Variants in CHD8 observed in about 807,000 individuals in gnomAD.
The protein encoded by CHD8 is ATP-dependent chromatin remodeler CHD8.
A neutral mutation model predicts 279.2 loss-of-function variants in CHD8; 31 were observed. That is an observed-to-expected ratio of 0.11 (90% CI 0.08 to 0.15). CHD8 has a LOEUF of 0.15. CHD8 is among the 10% of genes least tolerant of loss of function. CHD8 has a pLI of 1.00. For missense variants in CHD8, 2,146 were observed against 3,230.5 expected, an observed-to-expected ratio of 0.66 and a Z score of 8.14; for synonymous variants, 1,081 against 1,139.6, an observed-to-expected ratio of 0.95 and a Z score of 1.04.
intron 1 of CHD8, among the ~76,000 whole-genome samples, chr14:21,450,698 G>A (rs138402268): frequency 2.0e-5 from 3 of 151,620 alleles, no homozygotes; most frequent in East Asian, 1.9e-4. Flanking sequence ...AAAAAAAAGC[G>A]TAAGACCTTA....
At position 21,400,101 on chromosome 14, in the gene CHD8, T is replaced by C. The variant is rs775026819; in HGVS notation, c.4728-31A>G. ...AAGGACAGAGGAAGAGCTGGCTCAGTAACACTGTAGAAGTTTGAGGTGGAA... is the reference window on the plus strand; with the variant it reads ...AAGGACAGAGGAAGAGCTGGCTCAGCAACACTGTAGAAGTTTGAGGTGGAA... On this transcript the variant is annotated intron_variant, in intron 24 of 37. Coordinates refer to ENST00000646647, the MANE Select transcript of CHD8 (RefSeq NM_001170629.2). This position sits in a 1 kb window ranked among gnomAD's most constrained non-coding sequence, Gnocchi z 4.2. 3.7e-6 allele frequency: 6 copies of C among 1,613,326 alleles called. No individual in the cohort carries two copies. Among genetic ancestry groups the C allele is most frequent in the Non-Finnish European group, 5.1e-6 (6 of 1,179,370 alleles).
intron 5 of CHD8, among the ~76,000 whole-genome samples, chr14:21,421,478 T>C (rs1028547415): frequency 6.6e-6 from 1 of 152,064 alleles, no homozygotes; most frequent in Non-Finnish European, 1.5e-5. Flanking sequence ...ACATTTTTGC[T>C]ATTGCAATAT....
intron 26 of CHD8, 80 bp from the exon 27 acceptor site, chr14:21,398,032 T>C (rs1175674345): frequency 2.3e-6 from 3 of 1,331,836 alleles, no homozygotes; most frequent in Middle Eastern, 1.9e-4. Context: ...CTGGAATAAT[T>C]AGAATATGTT....
intron 1 of CHD8, among the ~76,000 whole-genome samples, chr14:21,452,688 T>C (rs879537996): frequency 6.7e-6 from 1 of 149,906 alleles, no homozygotes; most frequent in Non-Finnish European, 1.5e-5. Context: ...TCCCATTACA[T>C]AGAAATACAA....
At position 21,400,331 on chromosome 14, in the gene CHD8, A is replaced by C. The variant is rs754643408; in HGVS notation, c.4571-24T>G. 1 of 1,612,758 alleles carries C rather than the reference A, an allele frequency of 6.2e-7. No individual in the cohort carries two copies. The highest frequency in any genetic ancestry group is 1.1e-5 in the South Asian group (1 of 90,856). ...ACCTGGGAAAGGGGAGACATCAAAG[A>C]CTTGGATTGAGAAAAACCCTTGGAC... On this transcript the variant is annotated intron_variant, in intron 23 of 37. Coordinates refer to ENST00000646647, the MANE Select transcript of CHD8 (RefSeq NM_001170629.2). The surrounding 1 kb of genome is among the most constrained non-coding windows in gnomAD (Gnocchi z 4.2).
chr14:21,414,861 C>T (rs1888647774), intron 8 of CHD8, 77 bp downstream of exon 8: 2 of 1,076,576 alleles, frequency 1.9e-6, no homozygotes, highest in Non-Finnish European at 2.8e-6. Flanking sequence ...GGACACATTC[C>T]CACCCAGGAT....
In CHD8 at chr14:21,401,090, G is replaced by C. The variant is rs776061338; in HGVS notation, c.4174-19C>G. ...AATTATTCTATGAAGAGAACAGAAGGAGAAGTAATTCTCTTCCTGATTTGC... is the reference window on the plus strand; with the variant it reads ...AATTATTCTATGAAGAGAACAGAAGCAGAAGTAATTCTCTTCCTGATTTGC... On this transcript the variant is annotated intron_variant, in intron 21 of 37. Transcript: ENST00000646647. The C allele has an allele frequency of 1.9e-6, 3 of 1,549,180 alleles. No homozygotes were observed. Among genetic ancestry groups the C allele is most frequent in the Non-Finnish European group, 2.6e-6 (3 of 1,141,112 alleles).
chr14:21,442,008 A>C (rs1298977218), intron 1 of CHD8, among the ~76,000 whole-genome samples: 1 of 152,206 alleles, frequency 6.6e-6, no homozygotes, highest in African/African-American at 2.4e-5. Context: ...TTGGAGATAG[A>C]TTTTGAGAGT....
chr14:21,439,081 C>CA (rs1566452221), intron 1 of CHD8, among the ~76,000 whole-genome samples: 2 of 152,046 alleles, frequency 1.3e-5, no homozygotes. Flanking sequence ...GAGCCAAGAT[C>CA]ATGCCAAGGC....
At chr14:21,399,861 G>A in intron 25 of CHD8, 120 bp downstream of exon 25, 1 of 1,014,410 alleles carries the variant, frequency 9.9e-7, no homozygotes, top group Non-Finnish European at 1.6e-6. Flanking sequence ...TAAGATTAAA[G>A]ACCTGATATA....
intron 20 of CHD8, 149 bp from the exon 21 acceptor site, chr14:21,401,662 G>A (rs1057287496): frequency 3.9e-5 from 23 of 591,708 alleles, no homozygotes; most frequent in South Asian, 3.2e-4. Context: ...TCCGCTCACC[G>A]CAACCTCCAC....
intron 1 of CHD8, among the ~76,000 whole-genome samples, chr14:21,447,854 T>C (rs1186591796): frequency 6.6e-6 from 1 of 152,106 alleles, no homozygotes; most frequent in Non-Finnish European, 1.5e-5. Context: ...TTGGACTGGA[T>C]CTGGAGAAGT....
chr14:21,393,424 G>A, intron 32 of CHD8, 52 bp downstream of exon 32: 1 of 1,506,640 alleles, frequency 6.6e-7, no homozygotes, highest in Non-Finnish European at 8.9e-7. Flanking sequence ...AAGGGAAAGA[G>A]AAGAGAGGGG....
chr14:21,430,917 G>C lies in CHD8; in HGVS notation c.727C>G (p.Arg243Gly). 1 of 1,599,432 alleles carries C rather than the reference G, an allele frequency of 6.3e-7. No homozygotes were observed. The highest frequency in any genetic ancestry group is 8.5e-7 in the Non-Finnish European group (1 of 1,179,742). Residue 243 changes from arginine (R) to glycine (G), a missense_variant, in exon 2 of 38, where the codon CGA becomes GGA. Arg to Gly is a moderately radical substitution (Grantham distance 125). Transcript: ENST00000646647. Reference sequence around the variant, plus strand: ...TGGAGGACCAGCTGCTTTACTGGTCGGCTGGGCTGGACAATGCGCTGAACA... The same window carrying C: ...TGGAGGACCAGCTGCTTTACTGGTCCGCTGGGCTGGACAATGCGCTGAACA... ...AAVQRIVQPS[R>G]PVKQLVLQPV... is the part of the protein sequence containing the mutation.
At chr14:21,442,746 G>C (rs1890012008) in intron 1 of CHD8, among the ~76,000 whole-genome samples, 1 of 5,434 alleles carries the variant, frequency 1.8e-4, no homozygotes, top group African/African-American at 7.0e-4. Context: ...GACGGGAGGA[G>C]AGGGGAGGAG....
Position 21,402,789 on chromosome 14 carries a change from A to G in CHD8, c.3714+228T>C, listed in dbSNP as rs1321546849. On this transcript the variant is annotated intron_variant, in intron 18 of 37. Transcript: ENST00000646647. The surrounding 1 kb of genome is among the most constrained non-coding windows in gnomAD (Gnocchi z 4.5). ...TTATCTATGGCTGTTTTTGCGCTAC[A>G]GGACTTGGAGATAAGCAGTTGCAAC... 6.6e-6 allele frequency among the ~76,000 whole-genome samples: 1 copy of G among 152,252 alleles called. No individual in the cohort carries two copies. The highest frequency in any genetic ancestry group is 2.4e-5 in the African/African-American group (1 of 41,466).
intron 8 of CHD8, 77 bp from the exon 9 acceptor site, chr14:21,414,495 G>C: frequency 1.3e-6 from 1 of 750,116 alleles, no homozygotes. Context: ...TTTGGGATTA[G>C]TCAGAAGCAG....
intron 5 of CHD8, among the ~76,000 whole-genome samples, chr14:21,418,990 G>A (rs188653939): frequency 8.2e-4 from 125 of 152,318 alleles, no homozygotes; most frequent in African/African-American, 2.8e-3. Flanking sequence ...ACTTGGTGAA[G>A]TAACTTCGAT....
chr14:21,434,128 C>T (rs931844556), intron 1 of CHD8, among the ~76,000 whole-genome samples: 26 of 151,538 alleles, frequency 1.7e-4, no homozygotes, highest in Non-Finnish European at 3.5e-4. Context: ...TCACCGCAAC[C>T]TCTACCTCCT....
Sources: gnomAD v4.1 joint callset for allele counts (sites outside exome capture counted in the v4.1 genomes callset) on GRCh38, gnomAD v4.1.1 for gene constraint, Gnocchi (gnomAD v3.1) non-coding constraint, MANE v1.5 for transcripts, NCBI Gene and HGNC (gene_info 2026-07-23, HGNC 2026-07-21) for gene names.